The following PODXL2 variants were observed in gnomAD, a reference collection of about 807,000 sequenced individuals.
PODXL2 encodes podocalyxin-like protein 2.
A neutral mutation model predicts 53.4 loss-of-function variants in PODXL2; 17 were observed. The ratio of observed to expected loss-of-function variants is 0.32; its 90% CI spans 0.22 to 0.48. The LOEUF (loss-of-function observed/expected upper bound fraction) is 0.48, where lower values mean the gene tolerates loss of function less well. PODXL2 is among the 20% of genes least tolerant of loss of function. The pLI is 0.99. For synonymous variants in PODXL2, 311 were observed against 306.7 expected (o/e 1.01, Z -0.15); for missense variants, 673 against 760.0 (o/e 0.89, Z 1.35).
intron 2 of PODXL2, 134 bp downstream of exon 2, chr3:127,639,657 T>A: frequency 1.2e-6 from 1 of 864,292 alleles, no homozygotes; most frequent in South Asian, 1.7e-5. Flanking sequence ...GCTGTTTACC[T>A]GCACATCAGA....
At chr3:127,646,242 TA>T (rs2074656526) in intron 2 of PODXL2, among the ~76,000 whole-genome samples, 1 of 152,192 alleles carries the variant, frequency 6.6e-6, no homozygotes, top group Non-Finnish European at 1.5e-5. Context: ...GCCCAGCAAG[TA>T]AATGTAAGAA....
chr3:127,662,599 C>A (rs770461074), intron 4 of PODXL2, among the ~76,000 whole-genome samples: 1 of 152,198 alleles, frequency 6.6e-6, no homozygotes, highest in Non-Finnish European at 1.5e-5. Flanking sequence ...ACCTTTCTGT[C>A]TTTTTTAGAG....
intron 4 of PODXL2, among the ~76,000 whole-genome samples, chr3:127,667,597 T>C (rs1489997069): frequency 6.6e-6 from 1 of 152,196 alleles, no homozygotes. Flanking sequence ...GGCAGGGTTC[T>C]GGCCTGTGCC....
intron 2 of PODXL2, among the ~76,000 whole-genome samples, chr3:127,650,725 C>A (rs532796709): frequency 1.3e-5 from 2 of 152,198 alleles, no homozygotes; most frequent in East Asian, 1.9e-4. Context: ...GGTGCGATCT[C>A]GGCTCACTGC....
intron 2 of PODXL2, among the ~76,000 whole-genome samples, chr3:127,658,406 C>CTTTTTTTTTTT (rs60979669): frequency 2.3e-5 from 2 of 87,396 alleles, no homozygotes; most frequent in Non-Finnish European, 4.7e-5. Context: ...TTTCCCATGT[C>CTTTTTTTTTTT]TTTTTTTTTT....
chr3:127,663,996 T>C (rs1299969283), intron 4 of PODXL2, among the ~76,000 whole-genome samples: 1 of 152,234 alleles, frequency 6.6e-6, no homozygotes, highest in Admixed American at 6.5e-5. Context: ...ATTTTTTTTA[T>C]TGTAGTAAAA....
intron 2 of PODXL2, among the ~76,000 whole-genome samples, chr3:127,654,973 C>T (rs1186943326): frequency 6.6e-6 from 1 of 152,024 alleles, no homozygotes; most frequent in East Asian, 1.9e-4. Context: ...GACAGAGTCT[C>T]ACTCTGTCAC....
chr3:127,630,091 CCAGCG>C (rs2074533831), intron 1 of PODXL2, among the ~76,000 whole-genome samples: 1 of 152,124 alleles, frequency 6.6e-6, no homozygotes, highest in African/African-American at 2.4e-5. Flanking sequence ...CTGATGGCTT[CCAGCG>C]CAGACGGGGA....
intron 2 of PODXL2, among the ~76,000 whole-genome samples, chr3:127,640,616 G>C (rs1279028924): frequency 6.6e-6 from 1 of 152,032 alleles, no homozygotes; most frequent in African/African-American, 2.4e-5. Context: ...CAGGAGAATG[G>C]CTTGAACCCG....
At chr3:127,661,711 A>G (rs1455643259) in intron 3 of PODXL2, among the ~76,000 whole-genome samples, 1 of 152,082 alleles carries the variant, frequency 6.6e-6, no homozygotes, top group African/African-American at 2.4e-5. Context: ...TGCTGGGATT[A>G]CAGGCATTAG....
At chr3:127,665,902 G>T in intron 4 of PODXL2, 1 of 458,402 alleles carries the variant, frequency 2.2e-6, no homozygotes, top group Non-Finnish European at 4.4e-6. Flanking sequence ...AAGGAGTCCT[G>T]CTTCCTTTTA....
chr3:127,636,441 TC>T (rs908543133), intron 1 of PODXL2, among the ~76,000 whole-genome samples: 1 of 152,234 alleles, frequency 6.6e-6, no homozygotes, highest in African/African-American at 2.4e-5. Flanking sequence ...ATTCATCCTC[TC>T]CCAGGAACAA....
chr3:127,671,802 A>G (rs1393971490), intron 7 of PODXL2, among the ~76,000 whole-genome samples, 189 bp downstream of exon 7: 1 of 152,202 alleles, frequency 6.6e-6, no homozygotes, highest in Non-Finnish European at 1.5e-5. Context: ...CCAGAGGTGC[A>G]GGGAGTGAGG....
At chr3:127,644,551 G>T (rs564394210) in intron 2 of PODXL2, among the ~76,000 whole-genome samples, 41 of 152,290 alleles carry the variant, frequency 2.7e-4, no homozygotes, top group African/African-American at 9.9e-4. Flanking sequence ...ACAGTGGAGG[G>T]CCCTGAAGCC....
chr3:127,661,221 A>ATGCCACACTAGCCCTG, intron 3 of PODXL2, 62 bp downstream of exon 3: 2 of 1,323,778 alleles, frequency 1.5e-6, no homozygotes, highest in Non-Finnish European at 2.1e-6. Context: ...GGCCATCCCC[A>ATGCCACACTAGCCCTG]GGGCTAGTGT....
chr3:127,644,148 G>C lies in PODXL2; in HGVS notation c.349+4625G>C, dbSNP rs113068555. 4.4e-3 allele frequency among the ~76,000 whole-genome samples: 677 copies of C among 152,272 alleles called. 13 individuals carry two copies. Among genetic ancestry groups the C allele is most frequent in the African/African-American group, 0.015 (637 of 41,556 alleles). On this transcript the variant is annotated intron_variant, in intron 2 of 7. Coordinates refer to ENST00000342480, the MANE Select transcript of PODXL2 (RefSeq NM_015720.4). ...TTGTTTTGAGATGGAGTCTCACTCT[G>C]TTGCCCAGGCTGGAGTGCAGTGGTG... is the stretch of plus-strand genomic sequence containing the variant.
intron 2 of PODXL2, 100 bp from the exon 3 acceptor site, chr3:127,660,278 G>T: frequency 6.8e-7 from 1 of 1,479,714 alleles, no homozygotes. Flanking sequence ...CCCCTGCCCT[G>T]TCAGTGTATT....
At chr3:127,648,791 T>C (rs1033152360) in intron 2 of PODXL2, among the ~76,000 whole-genome samples, 7 of 142,750 alleles carry the variant, frequency 4.9e-5, no homozygotes, top group Non-Finnish European at 6.2e-5. Flanking sequence ...GTATTTCTTT[T>C]TTTTTTTTTT....
intron 4 of PODXL2, among the ~76,000 whole-genome samples, chr3:127,667,630 G>A (rs1400676285): frequency 5.9e-5 from 9 of 152,244 alleles, no homozygotes; most frequent in Non-Finnish European, 1.2e-4. Flanking sequence ...CTTGCCATTC[G>A]TTGAGTTTCT....
Sources: gnomAD v4.1 joint callset for allele counts (sites outside exome capture counted in the v4.1 genomes callset) on GRCh38, gnomAD v4.1.1 for gene constraint, MANE v1.5 for transcripts, NCBI Gene and HGNC (gene_info 2026-07-23, HGNC 2026-07-21) for gene names.